SLC25A13: variants seen among roughly 807,000 people sequenced by gnomAD.
The protein encoded by SLC25A13 is solute carrier family 25 member 13.
Under a neutral mutation model 85.5 loss-of-function variants are expected in SLC25A13, and 70 were observed. That is an observed-to-expected ratio of 0.82 (90% CI 0.68 to 1.00). SLC25A13 has a LOEUF of 1.00. SLC25A13 is among the 50% of genes least tolerant of loss of function. SLC25A13 has a pLI of 0.00. For synonymous variants in SLC25A13, 259 were observed against 288.7 expected (o/e 0.90, Z 1.04); for missense variants, 765 against 819.8 (o/e 0.93, Z 0.82).
chr7:96,304,053 GAGA>G (rs1376355643), intron 1 of SLC25A13, among the ~76,000 whole-genome samples: 1 of 152,058 alleles, frequency 6.6e-6, no homozygotes, highest in East Asian at 1.9e-4. Context: ...CCATTAACTT[GAGA>G]AGAAGAAAAA....
chr7:96,149,152 T>C (rs757700209), intron 13 of SLC25A13, among the ~76,000 whole-genome samples: 3 of 152,236 alleles, frequency 2.0e-5, no homozygotes, highest in Non-Finnish European at 2.9e-5. Flanking sequence ...CTACACCATC[T>C]GCACTACACC....
In SLC25A13 at chr7:96,121,829, A is replaced by G. The variant is rs1266359988; in HGVS notation, c.1750+10T>C. The G allele has an allele frequency of 1.2e-6, 2 of 1,614,192 alleles. No homozygotes were observed. Among genetic ancestry groups the G allele is most frequent in the African/African-American group, 1.3e-5 (1 of 75,034 alleles). ...CCAAAGAGTTAGTTAAGAACACATT[A>G]TTTCCATACCACCAGCTCCCTTCCA... On this transcript the variant is annotated intron_variant, in intron 16 of 17. Transcript: ENST00000265631.
chr7:96,295,527 C>G (rs574599566), intron 2 of SLC25A13, among the ~76,000 whole-genome samples: 1 of 152,242 alleles, frequency 6.6e-6, no homozygotes, highest in East Asian at 1.9e-4. Flanking sequence ...GTAGTCTCAT[C>G]TGTAAAAATG....
chr7:96,296,490 T>C (rs1453839685), intron 2 of SLC25A13, among the ~76,000 whole-genome samples: 1 of 151,978 alleles, frequency 6.6e-6, no homozygotes, highest in Non-Finnish European at 1.5e-5. Flanking sequence ...TTCTTTTTTT[T>C]TTTTTTTCTT....
chr7:96,278,222 T>TG (rs1466633810), intron 2 of SLC25A13, among the ~76,000 whole-genome samples: 1 of 152,062 alleles, frequency 6.6e-6, no homozygotes, highest in Non-Finnish European at 1.5e-5. Flanking sequence ...CTCTTGATCC[T>TG]GGGGACAAAG....
At chr7:96,204,601 T>C (rs1795389805) in intron 5 of SLC25A13, among the ~76,000 whole-genome samples, 1 of 152,184 alleles carries the variant, frequency 6.6e-6, no homozygotes, top group South Asian at 2.1e-4. Context: ...TGTGAATACC[T>C]GCCATTAGGG....
intron 5 of SLC25A13, among the ~76,000 whole-genome samples, chr7:96,195,515 T>C (rs144564892): frequency 9.6e-4 from 146 of 152,244 alleles, no homozygotes; most frequent in African/African-American, 3.4e-3. Flanking sequence ...ACCTCTGTGG[T>C]CTACCATGCA....
chr7:96,255,739 T>C lies in SLC25A13; in HGVS notation c.213-20822A>G, dbSNP rs536217836. Among the ~76,000 whole-genome samples the C allele has an allele frequency of 2.6e-4, 40 of 152,060 alleles. No individual in the cohort carries two copies. In the South Asian group the frequency reaches 2.9e-3, roughly 11 times the overall value. ...AGAAAAACAAAAGGTCTCAAAGTAG[T>C]GACAACTCAAAAGAAGGAAACATAC... On this transcript the variant is annotated intron_variant, in intron 3 of 17. Transcript: ENST00000265631.
At chr7:96,134,785 A>C (rs1486309936) in intron 14 of SLC25A13, among the ~76,000 whole-genome samples, 1 of 143,820 alleles carries the variant, frequency 7.0e-6, no homozygotes, top group African/African-American at 2.6e-5. Context: ...CCAAACATAC[A>C]AACAATTTTA....
chr7:96,203,502 A>G (rs6969831), intron 5 of SLC25A13, among the ~76,000 whole-genome samples: 81,888 of 152,076 alleles, frequency 0.54, 23,255 homozygotes, highest in Non-Finnish European at 0.63. Flanking sequence ...CTGTTCACTC[A>G]GCTTTCATAG....
chr7:96,287,402 A>G (rs958327775), intron 2 of SLC25A13, among the ~76,000 whole-genome samples: 106 of 152,130 alleles, frequency 7.0e-4, no homozygotes, highest in African/African-American at 2.3e-3. Context: ...CAGCCACCCC[A>G]AGGGAAGAGA....
rs1791490339 is a variant in SLC25A13, at chr7:96,121,270, A to G, written c.1949T>C (p.Ile650Thr). 1.9e-6 allele frequency: 3 copies of G among 1,614,144 alleles called. No homozygotes were observed. The highest frequency in any genetic ancestry group is 2.5e-6 in the Non-Finnish European group (3 of 1,180,024). Residue 650 changes from isoleucine (I) to threonine (T), a missense_variant, in exon 18 of 18, where the codon ATT becomes ACT. Coordinates refer to ENST00000265631, the MANE Select transcript of SLC25A13 (RefSeq NM_014251.3). ...TAGGTAAAGTCCAAATTTGTTTTCA[A>G]TCCCTGCAAATGTAGCAACTGCCAG... ...YKLAVATFAG[I>T]ENKFGLYLPL...
chr7:96,272,912 A>G (rs959616658), intron 3 of SLC25A13, among the ~76,000 whole-genome samples: 3 of 152,240 alleles, frequency 2.0e-5, no homozygotes, highest in South Asian at 2.1e-4. Flanking sequence ...CATGGATGCT[A>G]AAACCATCAG....
intron 3 of SLC25A13, among the ~76,000 whole-genome samples, chr7:96,240,367 G>C (rs375360358): frequency 1.3e-5 from 2 of 152,164 alleles, no homozygotes; most frequent in African/African-American, 4.8e-5. Context: ...ATGTGATCAA[G>C]TAAAGATGGG....
At chr7:96,308,397 A>G (rs553216285) in intron 1 of SLC25A13, among the ~76,000 whole-genome samples, 5 of 152,298 alleles carry the variant, frequency 3.3e-5, no homozygotes, top group African/African-American at 9.6e-5. Context: ...AACTAATCAG[A>G]TTTCCTCTGA....
intron 15 of SLC25A13, 55 bp from the exon 16 acceptor site, chr7:96,122,052 A>T (rs1406583736): frequency 6.2e-7 from 1 of 1,608,914 alleles, no homozygotes; most frequent in African/African-American, 1.3e-5. Context: ...CTATATAAAA[A>T]TAACTGTGCT....
At chr7:96,134,256 C>T (rs1792165924) in intron 14 of SLC25A13, among the ~76,000 whole-genome samples, 1 of 151,892 alleles carries the variant, frequency 6.6e-6, no homozygotes, top group African/African-American at 2.4e-5. Context: ...GGCTGGTCTC[C>T]AACTCCTGAT....
intron 7 of SLC25A13, among the ~76,000 whole-genome samples, chr7:96,190,198 C>A (rs1371841746): frequency 6.6e-6 from 1 of 151,506 alleles, no homozygotes; most frequent in Non-Finnish European, 1.5e-5. Flanking sequence ...GATTCCCCTG[C>A]CTCAGCCTCC....
At chr7:96,189,432 C>CA in intron 8 of SLC25A13, 54 bp from the exon 9 acceptor site, 1 of 1,575,240 alleles carries the variant, frequency 6.3e-7, no homozygotes, top group Non-Finnish European at 8.7e-7. Context: ...TTACAATTTA[C>CA]ATTATAAAAT....
Sources: gnomAD v4.1 joint callset for allele counts (sites outside exome capture counted in the v4.1 genomes callset) on GRCh38, gnomAD v4.1.1 for gene constraint, MANE v1.5 for transcripts, NCBI Gene and HGNC (gene_info 2026-07-23, HGNC 2026-07-21) for gene names.